Variants in AUH observed in about 807,000 individuals in gnomAD.
AUH encodes methylglutaconyl-CoA hydratase, mitochondrial.
In AUH, 29 loss-of-function variants were observed where a neutral mutation model predicts 42.3. The ratio of observed to expected loss-of-function variants is 0.69; its 90% confidence interval spans 0.51 to 0.93. The LOEUF is 0.93. AUH is among the 40% of genes least tolerant of loss of function. AUH has a pLI of 0.00. For synonymous variants in AUH, 174 were observed against 166.4 expected (o/e 1.05, Z -0.35); for missense variants, 452 against 438.1 (o/e 1.03, Z -0.28).
intron 6 of AUH, among the ~76,000 whole-genome samples, chr9:91,230,756 T>C (rs568034029): frequency 6.6e-6 from 1 of 152,316 alleles, no homozygotes; most frequent in East Asian, 1.9e-4. Context: ...TTCTGTTTGT[T>C]AGTTTTCCTT....
chr9:91,235,081 GTAGAAGTTTACA>G (rs913219872), intron 6 of AUH, among the ~76,000 whole-genome samples: 1 of 151,966 alleles, frequency 6.6e-6, no homozygotes, highest in Admixed American at 6.6e-5. Context: ...GGTAAGCGGA[GTAGAAGTTTACA>G]TTTTACCCTA....
At chr9:91,348,121 G>C (rs1476880955) in intron 3 of AUH, among the ~76,000 whole-genome samples, 3 of 149,946 alleles carry the variant, frequency 2.0e-5, no homozygotes, top group Non-Finnish European at 4.4e-5. Flanking sequence ...GAGATTCTAA[G>C]AAAAACATTG....
chr9:91,327,262 T>A (rs538070928), intron 3 of AUH, among the ~76,000 whole-genome samples: 81 of 152,204 alleles, frequency 5.3e-4, no homozygotes, highest in Admixed American at 8.5e-4. Context: ...CAGGGATGTG[T>A]CCCCAGTGAA....
intron 6 of AUH, among the ~76,000 whole-genome samples, chr9:91,251,570 A>C (rs928398173): frequency 1.4e-4 from 21 of 152,212 alleles, no homozygotes; most frequent in Non-Finnish European, 2.9e-4. Context: ...TGTGGTTTCC[A>C]TTGATATAAG....
At position 91,222,038 on chromosome 9, in the gene AUH, G is replaced by C. The variant is rs150348175; in HGVS notation, c.656-1046C>G. On this transcript the variant is annotated intron_variant, in intron 6 of 9. Transcript: ENST00000375731. ...ACTGCCCCCTTGCAGAGCAGGAAAA[G>C]CAAACTGACGCCCACCATCTACACA... Among the ~76,000 whole-genome samples the C allele has an allele frequency of 3.6e-5, 5 of 138,746 alleles. No individual in the cohort carries two copies. In the East Asian group the frequency reaches 1.1e-3, roughly 31 times the overall value. The allele number at this position is 138,746 out of a possible 152,430, so 91.0% of individuals were successfully genotyped here.
chr9:91,342,251 T>A (rs549790398), intron 3 of AUH, among the ~76,000 whole-genome samples: 1 of 152,302 alleles, frequency 6.6e-6, no homozygotes, highest in South Asian at 2.1e-4. Flanking sequence ...TCCTTGCTTC[T>A]CTCCAACTTC....
At chr9:91,292,159 T>A (rs543677192) in intron 6 of AUH, among the ~76,000 whole-genome samples, 2 of 151,838 alleles carry the variant, frequency 1.3e-5, no homozygotes, top group Non-Finnish European at 2.9e-5. Context: ...ATTTTTTTCA[T>A]AGGAATAGAA....
intron 9 of AUH, among the ~76,000 whole-genome samples, chr9:91,215,704 C>T (rs529526083): frequency 5.1e-4 from 77 of 152,280 alleles, no homozygotes; most frequent in Non-Finnish European, 7.9e-4. Flanking sequence ...CCCCAGGTTG[C>T]ATGGCAGGCA....
intron 6 of AUH, among the ~76,000 whole-genome samples, chr9:91,292,959 C>T (rs1486589035): frequency 2.0e-5 from 3 of 152,126 alleles, no homozygotes; most frequent in Non-Finnish European, 2.9e-5. Context: ...CACAATATTT[C>T]AAACCTTTTC....
At chr9:91,355,740 T>G (rs929794461) in intron 3 of AUH, 143 bp downstream of exon 3, 89 of 722,694 alleles carry the variant, frequency 1.2e-4, no homozygotes, top group Non-Finnish European at 1.9e-4. Flanking sequence ...AGCATGTTTT[T>G]TTCTTGTGAA....
intron 6 of AUH, among the ~76,000 whole-genome samples, chr9:91,292,426 G>A (rs936705492): frequency 2.6e-5 from 4 of 151,818 alleles, no homozygotes; most frequent in Admixed American, 6.6e-5. Context: ...TTACAAGCAC[G>A]CACCACCATG....
intron 1 of AUH, among the ~76,000 whole-genome samples, chr9:91,358,820 A>T (rs988456307): frequency 6.6e-6 from 1 of 152,226 alleles, no homozygotes; most frequent in Non-Finnish European, 1.5e-5. Flanking sequence ...TAGCTCTGCA[A>T]TCTGAAATGA....
chr9:91,248,313 T>C (rs1828909894), intron 6 of AUH, among the ~76,000 whole-genome samples: 1 of 152,254 alleles, frequency 6.6e-6, no homozygotes, highest in Admixed American at 6.5e-5. Context: ...AATGTTCAAC[T>C]CTGTATTATG....
chr9:91,283,489 C>G (rs372532344), intron 6 of AUH, among the ~76,000 whole-genome samples: 15,542 of 151,898 alleles, frequency 0.1, 833 homozygotes, highest in African/African-American at 0.13. Flanking sequence ...AAGAAATAAA[C>G]GGTATTCAAT....
intron 6 of AUH, among the ~76,000 whole-genome samples, chr9:91,266,177 A>T (rs1338456173): frequency 6.6e-6 from 1 of 152,074 alleles, no homozygotes; most frequent in Non-Finnish European, 1.5e-5. Flanking sequence ...CCTGGCCAAC[A>T]TGGTGAAAAG....
chr9:91,298,147 T>G, intron 4 of AUH, 71 bp from the exon 5 acceptor site: 1 of 1,264,766 alleles, frequency 7.9e-7, no homozygotes, highest in South Asian at 1.2e-5. Flanking sequence ...ATTTTTAATT[T>G]TTTTCTGTGA....
intron 6 of AUH, among the ~76,000 whole-genome samples, chr9:91,275,011 A>T (rs1825431778): frequency 6.6e-6 from 1 of 152,230 alleles, no homozygotes; most frequent in Admixed American, 6.5e-5. Flanking sequence ...GCAAAAGAGA[A>T]AAAAGGACAT....
intron 6 of AUH, among the ~76,000 whole-genome samples, chr9:91,288,977 GAAAACAAAAC>G (rs556325705): frequency 8.6e-4 from 131 of 152,110 alleles, no homozygotes; most frequent in African/African-American, 2.9e-3. Flanking sequence ...CTCAGGTAAA[GAAAACAAAAC>G]AAAACAAAAC....
intron 9 of AUH, among the ~76,000 whole-genome samples, chr9:91,215,810 T>A (rs529243446): frequency 8.8e-4 from 134 of 152,264 alleles, no homozygotes; most frequent in African/African-American, 3.1e-3. Flanking sequence ...AGACAGCTCC[T>A]GCACACCCAG....
Sources: allele counts gnomAD v4.1 joint callset (sites outside exome capture counted in the v4.1 genomes callset), GRCh38; gene constraint gnomAD v4.1.1; transcripts MANE v1.5; gene names NCBI Gene and HGNC (gene_info 2026-07-23, HGNC 2026-07-21).